Variants in FGF14 observed in about 807,000 individuals in gnomAD.
FGF14 encodes the protein fibroblast growth factor 14.
FGF14 carries 5 observed loss-of-function variants against 25.5 expected under a neutral mutation model. The observed-to-expected ratio is 0.20, with a 90% CI of 0.10 to 0.41. The LOEUF is 0.41. Among genes scored for constraint, FGF14 ranks in the 10% least tolerant of loss-of-function variants. The pLI is 1.00. For synonymous variants in FGF14, 138 were observed against 118.3 expected (o/e 1.17, Z -1.08); for missense variants, 222 against 320.1 (o/e 0.69, Z 2.34).
At chr13:102,002,379 G>T (rs927049566) in intron 1 of FGF14, 1 of 153,238 alleles carries the variant, frequency 6.5e-6, no homozygotes, top group African/African-American at 2.4e-5. Flanking sequence ...GTCCTTGGCA[G>T]GAGTGTAACC....
intron 2 of FGF14, among the ~76,000 whole-genome samples, chr13:101,874,685 T>C (rs2045297265): frequency 6.6e-6 from 1 of 152,144 alleles, no homozygotes; most frequent in Non-Finnish European, 1.5e-5. Context: ...ACACAACCTT[T>C]ATGTTTTTTT....
intron 1 of FGF14, among the ~76,000 whole-genome samples, chr13:102,055,199 T>G (rs373361101): frequency 2.3e-4 from 35 of 152,364 alleles, no homozygotes; most frequent in African/African-American, 8.2e-4. Context: ...GCACATGTTT[T>G]TCTAGTCAAT....
At position 101,823,876 on chromosome 13, in the gene FGF14, A is replaced by AT. The variant is rs564458608; in HGVS notation, c.408+44848dup. Among the ~76,000 whole-genome samples, 9 of 149,064 alleles carry AT rather than the reference A, an allele frequency of 6.0e-5. No individual in the cohort carries two copies. The South Asian group carries it at 1.9e-3, about 32-fold the overall frequency. ...TAGTATAAATAATTTTCAGAAATAT[A>AT]TTAAAAATCCTATATGGCATTGTTA... On this transcript the variant is annotated intron_variant, in intron 3 of 4. Transcript: ENST00000376143.
chr13:102,090,654 G>A (rs758986611), intron 1 of FGF14, among the ~76,000 whole-genome samples: 11 of 152,222 alleles, frequency 7.2e-5, no homozygotes, highest in Non-Finnish European at 1.5e-4. Context: ...CACGTCCTCT[G>A]CGTGCCTTTT....
intron 1 of FGF14, among the ~76,000 whole-genome samples, chr13:102,283,186 A>G (rs1282850013): frequency 1.3e-5 from 2 of 152,204 alleles, no homozygotes. Context: ...CACTCTTTTG[A>G]GCAAATGACC....
intron 3 of FGF14, chr13:101,801,919 T>C: frequency 2.3e-6 from 1 of 433,008 alleles, no homozygotes; most frequent in Non-Finnish European, 4.5e-6. Context: ...GTAAGATGTC[T>C]GCTTGTGCTC....
chr13:102,210,605 C>G (rs2050116121), intron 1 of FGF14, among the ~76,000 whole-genome samples: 1 of 152,074 alleles, frequency 6.6e-6, no homozygotes, highest in South Asian at 2.1e-4. Context: ...AAAGTCCCTC[C>G]CAACTCTTAG....
At chr13:101,758,701 C>T (rs1244257253) in intron 3 of FGF14, among the ~76,000 whole-genome samples, 5 of 152,078 alleles carry the variant, frequency 3.3e-5, no homozygotes, top group African/African-American at 1.2e-4. Context: ...GGCAACAAAT[C>T]GAAAAAGTCC....
chr13:102,279,331 A>C (rs1371247055), intron 1 of FGF14, among the ~76,000 whole-genome samples: 1 of 152,194 alleles, frequency 6.6e-6, no homozygotes, highest in African/African-American at 2.4e-5. Context: ...ACATAAGCTT[A>C]TCTGTTAACT....
rs375382437 is a variant in FGF14, at chr13:102,345,624, A to G, written c.208+55847T>C. Among the ~76,000 whole-genome samples the G allele has an allele frequency of 7.2e-5, 11 of 152,356 alleles. No homozygotes were observed. In the East Asian group the frequency reaches 1.9e-3, roughly 27 times the overall value. Reference sequence around the variant, plus strand: ...GTTGTTCTTTTCTAGAAGAGTTAGCATCTTCACCCATGTGGCCATGGCTCC... The same window carrying G: ...GTTGTTCTTTTCTAGAAGAGTTAGCGTCTTCACCCATGTGGCCATGGCTCC... On this transcript the variant is annotated intron_variant, in intron 1 of 4. Transcript: ENST00000376131.
intron 1 of FGF14, among the ~76,000 whole-genome samples, chr13:102,109,265 TG>T (rs1222181913): frequency 6.6e-6 from 1 of 152,130 alleles, no homozygotes; most frequent in Non-Finnish European, 1.5e-5. Context: ...AGGGATTGGC[TG>T]GGGGGTGGTC....
chr13:102,369,868 CTTCT>C (rs2057824443), intron 1 of FGF14, among the ~76,000 whole-genome samples: 1 of 152,162 alleles, frequency 6.6e-6, no homozygotes, highest in Admixed American at 6.5e-5. Flanking sequence ...CTGCTTGTTG[CTTCT>C]TTGTCTCAGG....
At chr13:102,273,122 T>G (rs1380080504) in intron 1 of FGF14, among the ~76,000 whole-genome samples, 1 of 152,178 alleles carries the variant, frequency 6.6e-6, no homozygotes, top group African/African-American at 2.4e-5. Context: ...GAAGGGAATA[T>G]AAGGGACATC....
chr13:101,923,824 A>C (rs1446136127), intron 1 of FGF14, among the ~76,000 whole-genome samples: 1 of 152,110 alleles, frequency 6.6e-6, no homozygotes, highest in African/African-American at 2.4e-5. Flanking sequence ...AAAAGTAGAA[A>C]CTATTGATAC....
chr13:101,972,746 C>G (rs1296999311), intron 1 of FGF14, among the ~76,000 whole-genome samples: 2 of 152,172 alleles, frequency 1.3e-5, no homozygotes, highest in Non-Finnish European at 2.9e-5. Context: ...CCAGCTCAAG[C>G]TATCCTCCCG....
At chr13:102,283,901 T>C (rs1450898352) in intron 1 of FGF14, among the ~76,000 whole-genome samples, 1 of 152,226 alleles carries the variant, frequency 6.6e-6, no homozygotes, top group African/African-American at 2.4e-5. Flanking sequence ...TAATGCATAC[T>C]GCAGTATTGT....
intron 1 of FGF14, among the ~76,000 whole-genome samples, chr13:102,353,718 CTTCA>C (rs1215238919): frequency 6.6e-6 from 1 of 152,158 alleles, no homozygotes; most frequent in Non-Finnish European, 1.5e-5. Context: ...GCAACAGTCT[CTTCA>C]TTCACTCTTC....
intron 2 of FGF14, among the ~76,000 whole-genome samples, chr13:101,874,374 G>T (rs2045281095): frequency 6.6e-6 from 1 of 152,008 alleles, no homozygotes; most frequent in Non-Finnish European, 1.5e-5. Flanking sequence ...TGTTTCTTAT[G>T]ATTAAGTATT....
rs1434045711 is a variant in FGF14 at position 101,834,346 on chromosome 13, A to G, written c.408+34379T>C. ...ACCTTGACTATGTCTCATTTCACAA[A>G]CGAAATGACACATTCCAAATCAAAC... is the stretch of plus-strand genomic sequence containing the variant. On this transcript the variant is annotated intron_variant, in intron 3 of 4. Coordinates refer to ENST00000376143, the MANE Select transcript of FGF14 (RefSeq NM_004115.4). Among the ~76,000 whole-genome samples the G allele has an allele frequency of 2.0e-5, 3 of 152,166 alleles. No homozygotes were observed. The South Asian group carries it at 6.2e-4, about 32-fold the overall frequency.
Sources: allele counts gnomAD v4.1 joint callset (sites outside exome capture counted in the v4.1 genomes callset), GRCh38; gene constraint gnomAD v4.1.1; transcripts MANE v1.5; gene names NCBI Gene and HGNC (gene_info 2026-07-23, HGNC 2026-07-21).